EPSTI1: variants seen among roughly 807,000 people sequenced by gnomAD.
EPSTI1 encodes the protein epithelial stromal interaction 1, also known as epithelial-stromal interaction protein 1.
Under a neutral mutation model 49.9 loss-of-function variants are expected in EPSTI1, and 66 were observed. The observed-to-expected ratio is 1.32, with a 90% CI of 1.08 to 1.62. EPSTI1 has a LOEUF of 1.62. EPSTI1 is among the 40% of genes most tolerant of loss of function. EPSTI1 has a pLI of 0.00. For synonymous variants in EPSTI1, 137 were observed against 130.7 expected (o/e 1.05, Z -0.33); for missense variants, 394 against 365.5 (o/e 1.08, Z -0.64).
At chr13:42,937,941 C>A (rs923225241) in intron 6 of EPSTI1, among the ~76,000 whole-genome samples, 1 of 152,164 alleles carries the variant, frequency 6.6e-6, no homozygotes, top group African/African-American at 2.4e-5. Context: ...AAATCTATTT[C>A]TTAAATAATA....
intron 1 of EPSTI1, among the ~76,000 whole-genome samples, chr13:42,978,960 T>G (rs1319066190): frequency 6.6e-6 from 1 of 152,208 alleles, no homozygotes; most frequent in Admixed American, 6.5e-5. Context: ...TTAACAACTG[T>G]ATCCTGGTTC....
Position 42,888,259 on chromosome 13 carries a change from T to C in EPSTI1, c.*235A>G, listed in dbSNP as rs760042590. On this transcript the variant is annotated 3_prime_UTR_variant, in exon 11 of 11. Transcript: ENST00000313624. ...CTAATTATACTTCCAATTAGAAAAA[T>C]AATGTAGCATTTCCCTGGCAGTAGA... 1.2e-6 allele frequency: 2 copies of C among 1,613,474 alleles called. No homozygotes were observed. Among genetic ancestry groups the C allele is most frequent in the Non-Finnish European group, 1.7e-6 (2 of 1,179,786 alleles).
intron 7 of EPSTI1, 32 bp from the exon 8 acceptor site, chr13:42,917,656 A>AAC: frequency 6.9e-7 from 1 of 1,439,924 alleles, no homozygotes; most frequent in Non-Finnish European, 9.4e-7. Context: ...AAAAAAAAAA[A>AAC]AAACAACTTG....
chr13:42,917,426 G>C, intron 8 of EPSTI1, 115 bp downstream of exon 8: 1 of 924,482 alleles, frequency 1.1e-6, no homozygotes, highest in Non-Finnish European at 1.7e-6. Flanking sequence ...TTCAATGCTT[G>C]TATTCTTGTT....
chr13:42,923,896 A>G (rs887731557), intron 7 of EPSTI1, among the ~76,000 whole-genome samples: 1 of 152,248 alleles, frequency 6.6e-6, no homozygotes, highest in African/African-American at 2.4e-5. Context: ...ACAAGAGGAA[A>G]AATCTTTTCA....
At chr13:42,910,958 G>A (rs1274311903) in intron 8 of EPSTI1, among the ~76,000 whole-genome samples, 1 of 152,164 alleles carries the variant, frequency 6.6e-6, no homozygotes, top group African/African-American at 2.4e-5. Context: ...TTAGTTCACT[G>A]AAGTGTTTTT....
At chr13:42,905,724 C>T (rs543875829) in intron 8 of EPSTI1, among the ~76,000 whole-genome samples, 1 of 152,258 alleles carries the variant, frequency 6.6e-6, no homozygotes, top group South Asian at 2.1e-4. Flanking sequence ...CAGATATCAG[C>T]ACAGCTCCAC....
At chr13:42,938,914 C>CAAAAA (rs57079104) in intron 6 of EPSTI1, among the ~76,000 whole-genome samples, 10 of 59,666 alleles carry the variant, frequency 1.7e-4, no homozygotes, top group Admixed American at 2.9e-4. Context: ...GACTCTGTCT[C>CAAAAA]AAAAAAAAAA....
In EPSTI1 at chr13:42,987,625, T is replaced by C. The variant is rs117949348; in HGVS notation, c.188+4353A>G. Among the ~76,000 whole-genome samples the C allele has an allele frequency of 4.7e-3, 718 of 152,290 alleles. 5 individuals carry two copies. Among genetic ancestry groups the C allele is most frequent in the Non-Finnish European group, 8.0e-3 (547 of 68,028 alleles). ...CTATGATTAGTGTTAGTGTATTTTG[T>C]GTGGGGCCAAGACGATTCTTCTTCC... On this transcript the variant is annotated intron_variant, in intron 1 of 10. Coordinates refer to ENST00000313624, the MANE Select transcript of EPSTI1 (RefSeq NM_033255.5).
intron 1 of EPSTI1, among the ~76,000 whole-genome samples, chr13:42,976,424 G>C (rs902288615): frequency 6.6e-6 from 1 of 152,178 alleles, no homozygotes; most frequent in Non-Finnish European, 1.5e-5. Context: ...CCAACAAAAC[G>C]TAAGTGTACC....
rs1161224574 is a variant in EPSTI1, at chr13:42,942,658, C to CTTTTT, written c.563+11285_563+11289dup. Among the ~76,000 whole-genome samples, 17 of 64,648 alleles carry CTTTTT rather than the reference C, an allele frequency of 2.6e-4. 2 individuals carry two copies. The highest frequency in any genetic ancestry group is 3.9e-4 in the African/African-American group (6 of 15,240). 42.4% of individuals were successfully genotyped at this position (64,648 alleles called of 152,430 possible). On this transcript the variant is annotated intron_variant, in intron 6 of 10. Coordinates refer to ENST00000313624, the MANE Select transcript of EPSTI1 (RefSeq NM_033255.5). ...TGATTTTAATTAGATCCTGTTGATTCTTTTTTTTTTTTTTTTTTTTTTTTT... is the reference window on the plus strand; with the variant it reads ...TGATTTTAATTAGATCCTGTTGATTCTTTTTTTTTTTTTTTTTTTTTTTTTTTTTT...
chr13:42,968,945 CACACACACA>C lies in EPSTI1; in HGVS notation c.331+140_331+148del, dbSNP rs1400060788. 40 of 720,126 alleles carry C rather than the reference CACACACACA, an allele frequency of 5.6e-5. 1 individual carries two copies. The highest frequency in any genetic ancestry group is 2.0e-4 in the Admixed American group (8 of 40,060). 44.6% of individuals were successfully genotyped at this position (720,126 alleles called of 1,614,324 possible). A position where few individuals can be genotyped will look rare whatever the true frequency, so the allele number is the denominator to read the frequency against. Reference sequence around the variant, plus strand: ...ATACACACACACACACACACACACACACACACACAATTAAATGCATTCCACCCAAGCAGC... The same window carrying C: ...ATACACACACACACACACACACACACATTAAATGCATTCCACCCAAGCAGC... On this transcript the variant is annotated intron_variant, in intron 3 of 10. Coordinates refer to ENST00000313624, the MANE Select transcript of EPSTI1 (RefSeq NM_033255.5).
chr13:42,987,679 G>A (rs2040110153), intron 1 of EPSTI1, among the ~76,000 whole-genome samples: 1 of 152,106 alleles, frequency 6.6e-6, no homozygotes, highest in South Asian at 2.1e-4. Flanking sequence ...CAAAAGATTG[G>A]ATACCCCTGC....
chr13:42,971,463 T>C (rs2039766357), intron 1 of EPSTI1, among the ~76,000 whole-genome samples: 1 of 152,210 alleles, frequency 6.6e-6, no homozygotes, highest in African/African-American at 2.4e-5. Context: ...TGGCTCTTTT[T>C]TGAGATGATG....
chr13:42,952,703 C>A (rs2039137373), intron 6 of EPSTI1, among the ~76,000 whole-genome samples: 1 of 152,184 alleles, frequency 6.6e-6, no homozygotes. Flanking sequence ...AGGATGACAT[C>A]ACTTACCAAC....
chr13:42,973,287 T>C (rs975418752), intron 1 of EPSTI1, among the ~76,000 whole-genome samples: 5 of 152,216 alleles, frequency 3.3e-5, no homozygotes, highest in African/African-American at 1.2e-4. Flanking sequence ...AGGTACCTAA[T>C]AGAGAAACAT....
At chr13:42,965,910 CAGTCTGCCG>C (rs2039600737) in intron 3 of EPSTI1, among the ~76,000 whole-genome samples, 1 of 61,062 alleles carries the variant, frequency 1.6e-5, no homozygotes, top group African/African-American at 4.7e-5. Context: ...TCTCCTGCCT[CAGTCTGCCG>C]AATGCCTGCA....
At chr13:42,963,726 T>C (rs576453932) in intron 4 of EPSTI1, 1 of 306,026 alleles carries the variant, frequency 3.3e-6, no homozygotes, top group South Asian at 7.4e-5. Flanking sequence ...TTTGTACTAC[T>C]TCCATGACTG....
At chr13:42,941,096 GCTT>G (rs1738936693) in intron 6 of EPSTI1, among the ~76,000 whole-genome samples, 1 of 151,750 alleles carries the variant, frequency 6.6e-6, no homozygotes, top group Non-Finnish European at 1.5e-5. Context: ...TCTCTTTATG[GCTT>G]CTGAGATTTG....
Sources: gnomAD v4.1 joint callset for allele counts (sites outside exome capture counted in the v4.1 genomes callset) on GRCh38, gnomAD v4.1.1 for gene constraint, MANE v1.5 for transcripts, NCBI Gene and HGNC (gene_info 2026-07-23, HGNC 2026-07-21) for gene names.